SNAPC4: variants seen among roughly 807,000 people sequenced by gnomAD.
SNAPC4 encodes snRNA-activating protein complex subunit 4.
A neutral mutation model predicts 151.3 loss-of-function variants in SNAPC4; 127 were observed. The ratio of observed to expected loss-of-function variants is 0.84; its 90% CI spans 0.73 to 0.97. The LOEUF (loss-of-function observed/expected upper bound fraction) is 0.97, where lower values mean the gene tolerates loss of function less well. Ranked by LOEUF, SNAPC4 falls within the 50% of genes least tolerant of loss-of-function variation. SNAPC4 has a pLI of 0.00. For synonymous variants in SNAPC4, 1,002 were observed against 824.4 expected (o/e 1.22, Z -3.69); for missense variants, 2,186 against 1,935.0 (o/e 1.13, Z -2.43).
At chr9:136,385,065 A>C (rs936740821) in intron 13 of SNAPC4, among the ~76,000 whole-genome samples, 1 of 152,234 alleles carries the variant, frequency 6.6e-6, no homozygotes, top group Admixed American at 6.5e-5. Context: ...CTTATATCTG[A>C]AACATATGAA....
At chr9:136,387,636 C>G (rs545087404) in intron 12 of SNAPC4, 57 bp from the exon 13 acceptor site, 1 of 1,434,224 alleles carries the variant, frequency 7.0e-7, no homozygotes, top group South Asian at 1.1e-5. Flanking sequence ...TGCAGCCTCC[C>G]CACCCTGAAC....
Position 136,376,475 on chromosome 9 carries a change from G to C in SNAPC4, c.4291C>G (p.Pro1431Ala), listed in dbSNP as rs1455824253. 1 of 1,613,122 alleles carries C rather than the reference G, an allele frequency of 6.2e-7. No individual in the cohort carries two copies. The highest frequency in any genetic ancestry group is 2.2e-5 in the East Asian group (1 of 44,870). ...TTATCPIQGAPDSGKCSASSC... is the reference protein window; with the variant it reads ...TTATCPIQGAADSGKCSASSC... Reference sequence around the variant, plus strand: ...GAAGCAGAGCATTTACCAGAGTCTGGGGCTCCCTGAAAGAAAATCCAGGCA... The same window carrying C: ...GAAGCAGAGCATTTACCAGAGTCTGCGGCTCCCTGAAAGAAAATCCAGGCA... Residue 1431 changes from proline (P) to alanine (A), a missense_variant, in exon 23 of 24, where the codon CCA becomes GCA. Pro to Ala is a conservative substitution (Grantham distance 27). Transcript: ENST00000684778.
chr9:136,393,015 G>A lies in SNAPC4; in HGVS notation c.633-238C>T, dbSNP rs990958571. Among the ~76,000 whole-genome samples the A allele has an allele frequency of 1.2e-4, 19 of 152,322 alleles. 1 individual carries two copies. Among genetic ancestry groups the A allele is most frequent in the Admixed American group, 9.2e-4 (14 of 15,300 alleles). On this transcript the variant is annotated intron_variant, in intron 7 of 23. Coordinates refer to ENST00000684778, the MANE Select transcript of SNAPC4 (RefSeq NM_003086.4). ...CAGAGGCTACCGCCTGCTGGCCCCC[G>A]TGTCTCAGAGCCTCGCCACAGCCCT...
intron 3 of SNAPC4, 96 bp from the exon 4 acceptor site, chr9:136,395,866 C>G: frequency 8.0e-7 from 1 of 1,246,644 alleles, no homozygotes; most frequent in South Asian, 1.4e-5. Context: ...TCTGGGACAC[C>G]GAGGCAGCTC....
At chr9:136,396,551 C>T (rs1050734574) in intron 3 of SNAPC4, among the ~76,000 whole-genome samples, 2 of 152,308 alleles carry the variant, frequency 1.3e-5, no homozygotes, top group Non-Finnish European at 2.9e-5. Flanking sequence ...CAAGTAGCTG[C>T]GTCCACAGCC....
chr9:136,396,988 G>A lies in SNAPC4; in HGVS notation c.166C>T (p.Pro56Ser), dbSNP rs1224026238. The change falls in exon 3 of 24, where the codon CCC becomes TCC. Residue 56 changes from proline (P) to serine (S), a missense_variant. Coordinates refer to ENST00000684778, the MANE Select transcript of SNAPC4 (RefSeq NM_003086.4). ...AGGCCAACAGTTACCGAGATCGGGGGATCGGCAGGATCCAAGTCCTCAGAA... is the reference window on the plus strand; with the variant it reads ...AGGCCAACAGTTACCGAGATCGGGGAATCGGCAGGATCCAAGTCCTCAGAA... ...LPSEDLDPADPPISEEERWGE... is the reference protein window; with the variant it reads ...LPSEDLDPADSPISEEERWGE... The A allele has an allele frequency of 6.7e-5, 108 of 1,612,814 alleles. No individual in the cohort carries two copies. The highest frequency in any genetic ancestry group is 8.7e-5 in the Non-Finnish European group (103 of 1,179,898).
chr9:136,378,777 C>T lies in SNAPC4; in HGVS notation c.3050G>A (p.Ser1017Asn). The T allele has an allele frequency of 6.5e-7, 1 of 1,548,666 alleles. No individual in the cohort carries two copies. Among genetic ancestry groups the T allele is most frequent in the Non-Finnish European group, 8.7e-7 (1 of 1,146,908 alleles). The change falls in exon 22 of 24, where the codon AGC (serine) becomes AAC (asparagine). Residue 1017 changes from serine to asparagine, a missense_variant. Physicochemically the swap from Ser to Asn is conservative, Grantham distance 46. Transcript: ENST00000684778. ...PALGPGQISV[S>N]CPESGLGQSQ... ...CTGTCCGAGACCACTCTCGGGGCAG[C>T]TCACAGAGATCTGGCCGGGGCCCAG...
chr9:136,379,037 C>T lies in SNAPC4; in HGVS notation c.2790G>A (p.Gln930=), dbSNP rs1158851160. The change falls in exon 22 of 24, where the codon CAG becomes CAA. Residue 930 remains glutamine (Q), a synonymous_variant. Coordinates refer to ENST00000684778, the MANE Select transcript of SNAPC4 (RefSeq NM_003086.4). ...CGTGTGGGGTGTGTGGTAGAGGGGGCTGGAGGATCACAGACGAGGAGACCA... is the reference window on the plus strand; with the variant it reads ...CGTGTGGGGTGTGTGGTAGAGGGGGTTGGAGGATCACAGACGAGGAGACCA... ...QLLVSSSVIL[Q]PPLPHTPHGR... 6.3e-7 allele frequency: 1 copy of T among 1,596,994 alleles called. No homozygotes were observed. The highest frequency in any genetic ancestry group is 8.5e-7 in the Non-Finnish European group (1 of 1,172,518).
intron 10 of SNAPC4, among the ~76,000 whole-genome samples, chr9:136,389,459 G>A (rs1833996434): frequency 6.6e-6 from 1 of 152,134 alleles, no homozygotes; most frequent in Non-Finnish European, 1.5e-5. Flanking sequence ...TTGCTTCCAA[G>A]GCTTTCTTCC....
chr9:136,394,780 G>C lies in SNAPC4; in HGVS notation c.550+20C>G. The C allele has an allele frequency of 1.2e-6, 2 of 1,611,688 alleles. No homozygotes were observed. The highest frequency in any genetic ancestry group is 2.7e-5 in the African/African-American group (2 of 74,992). On this transcript the variant is annotated intron_variant, in intron 6 of 23. Coordinates refer to ENST00000684778, the MANE Select transcript of SNAPC4 (RefSeq NM_003086.4). ...GTGTCCCAAGCTCAGGGGTGCCGCAGGGCCGGCCAGGGCTCTTACATTTGG... is the reference window on the plus strand; with the variant it reads ...GTGTCCCAAGCTCAGGGGTGCCGCACGGCCGGCCAGGGCTCTTACATTTGG...
intron 14 of SNAPC4, 73 bp from the exon 15 acceptor site, chr9:136,384,105 G>A: frequency 1.5e-6 from 2 of 1,337,996 alleles, no homozygotes; most frequent in Non-Finnish European, 2.1e-6. Flanking sequence ...CTGTTCCCCA[G>A]GAGACTCGCC....
At position 136,384,035 on chromosome 9, in the gene SNAPC4, G is replaced by A; in HGVS notation, c.1421-3C>T. On this transcript the variant is annotated splice_region_variant and splice_polypyrimidine_tract_variant and intron_variant, in intron 14 of 23. Coordinates refer to ENST00000684778, the MANE Select transcript of SNAPC4 (RefSeq NM_003086.4). ...AGAAGCTATTTTTGCCCAGTGACCT[G>A]CAAAAGCCAAACCCCATGGAAATGC... 4 of 1,612,982 alleles carry A rather than the reference G, an allele frequency of 2.5e-6. No homozygotes were observed. The highest frequency in any genetic ancestry group is 3.4e-6 in the Non-Finnish European group (4 of 1,179,440).
intron 5 of SNAPC4, 102 bp downstream of exon 5, chr9:136,395,196 G>C (rs1384914289): frequency 2.1e-6 from 3 of 1,436,920 alleles, no homozygotes; most frequent in Admixed American, 2.0e-5. Flanking sequence ...ATGTTATCTT[G>C]AACTCACAGG....
chr9:136,392,635 G>A (rs770039461), intron 8 of SNAPC4, 38 bp downstream of exon 8: 10 of 1,613,302 alleles, frequency 6.2e-6, no homozygotes, highest in Admixed American at 5.0e-5. Flanking sequence ...CGCCTGGCTT[G>A]TGGGCTCCCC....
rs201740904 is a variant in SNAPC4, at chr9:136,377,950, G to A, written c.3877C>T (p.Arg1293Cys). Residue 1293 changes from arginine to cysteine, a missense_variant, in exon 22 of 24, where the codon CGT becomes TGT. Arg to Cys is a radical substitution (Grantham distance 180). Coordinates refer to ENST00000684778, the MANE Select transcript of SNAPC4 (RefSeq NM_003086.4). ...AGTCTGCTGCCCAGAAGAGGCACAC[G>A]CACCCCCCGCTGGCCCCCCAGCCAC... is the stretch of plus-strand genomic sequence containing the variant. ...QQWLGGQRGV[R>C]VPLLGSRLPY... is the part of the protein sequence containing the mutation. The A allele has an allele frequency of 1.1e-4, 182 of 1,603,150 alleles. 1 individual carries two copies. The East Asian group carries it at 2.9e-3, about 25-fold the overall frequency.
chr9:136,395,067 C>G (rs1197888439), intron 5 of SNAPC4, among the ~76,000 whole-genome samples, 189 bp from the exon 6 acceptor site: 1 of 152,234 alleles, frequency 6.6e-6, no homozygotes, highest in African/African-American at 2.4e-5. Flanking sequence ...CTCGCACAGA[C>G]AACACTGGCA....
chr9:136,379,167 C>A lies in SNAPC4; in HGVS notation c.2660G>T (p.Arg887Leu). The change falls in exon 22 of 24, where the codon CGG (arginine) becomes CTG (leucine). Residue 887 changes from arginine to leucine, a missense_variant. Physicochemically the swap from Arg to Leu is moderately radical, Grantham distance 102. Coordinates refer to ENST00000684778, the MANE Select transcript of SNAPC4 (RefSeq NM_003086.4). ...CTCCGACACAGTCTTGGGCTTGGGC[C>A]GGGGGCCGGTTGAAGCCAGCAGGGA... The part of the protein sequence containing the change: ...QASLLASTGP[R>L]PKPKTVSELL... 6.3e-7 allele frequency: 1 copy of A among 1,590,624 alleles called. No homozygotes were observed. Among genetic ancestry groups the A allele is most frequent in the Non-Finnish European group, 8.5e-7 (1 of 1,169,666 alleles).
chr9:136,392,958 C>A (rs373366452), intron 7 of SNAPC4, among the ~76,000 whole-genome samples, 181 bp from the exon 8 acceptor site: 3 of 152,204 alleles, frequency 2.0e-5, no homozygotes, highest in African/African-American at 7.2e-5. Flanking sequence ...AGGCTGCCAC[C>A]GGGGTGGGAA....
chr9:136,381,724 G>T, intron 18 of SNAPC4, 100 bp downstream of exon 18: 1 of 1,454,310 alleles, frequency 6.9e-7, no homozygotes, highest in Non-Finnish European at 9.3e-7. Flanking sequence ...CTCCCCTGCT[G>T]AGGCCACTTC....
Sources: allele counts gnomAD v4.1 joint callset (sites outside exome capture counted in the v4.1 genomes callset), GRCh38; gene constraint gnomAD v4.1.1; transcripts MANE v1.5; gene names NCBI Gene and HGNC (gene_info 2026-07-23, HGNC 2026-07-21).